TFAP2B: variants seen among roughly 807,000 people sequenced by gnomAD.
TFAP2B encodes transcription factor AP-2 beta, also known as transcription factor AP-2-beta.
TFAP2B carries 9 observed loss-of-function variants against 44.3 expected under a neutral mutation model. That is an observed-to-expected ratio of 0.20 (90% CI 0.12 to 0.35). The LOEUF (loss-of-function observed/expected upper bound fraction) is 0.35, where lower values mean the gene tolerates loss of function less well. TFAP2B is among the 10% of genes least tolerant of loss of function. The pLI, the probability that TFAP2B is intolerant of heterozygous loss-of-function variation, is 1.00. For synonymous variants in TFAP2B, 270 were observed against 263.8 expected, an observed-to-expected ratio of 1.02 and a Z score of -0.23; for missense variants, 509 against 600.0, an observed-to-expected ratio of 0.85 and a Z score of 1.59.
intron 2 of TFAP2B, among the ~76,000 whole-genome samples, chr6:50,824,547 C>T (rs1770450627): frequency 6.6e-6 from 1 of 152,138 alleles, no homozygotes. Flanking sequence ...TGGTAGATAC[C>T]ATTTTGGAAA....
chr6:50,843,670 G>A lies in TFAP2B; in HGVS notation c.*278G>A. 1 of 356,464 alleles carries A rather than the reference G, an allele frequency of 2.8e-6. No homozygotes were observed. Among genetic ancestry groups the A allele is most frequent in the Non-Finnish European group, 5.0e-6 (1 of 199,410 alleles). The allele number at this position is 356,464 out of a possible 1,614,324, so 22.1% of individuals were successfully genotyped here. A position where few individuals can be genotyped will look rare whatever the true frequency, so the allele number is the denominator to read the frequency against. On this transcript the variant is annotated 3_prime_UTR_variant, in exon 7 of 7. Transcript: ENST00000393655. Reference sequence around the variant, plus strand: ...CGGTTCTTTCGAGTTTAGTAATACTGATAATAAAAGAAAACCATGATTTCC... The same window carrying A: ...CGGTTCTTTCGAGTTTAGTAATACTAATAATAAAAGAAAACCATGATTTCC...
In TFAP2B at chr6:50,838,197, T is replaced by C. The variant is rs572460535; in HGVS notation, c.940+104T>C. On this transcript the variant is annotated intron_variant, in intron 5 of 6. Coordinates refer to ENST00000393655, the MANE Select transcript of TFAP2B (RefSeq NM_003221.4). The stretch of plus-strand genomic sequence containing the variant: ...GATTAACTGGAAATCGTTGTGATTG[T>C]TGTGCTCTTATGAGCTGGATGTCAA... 35 of 1,017,132 alleles carry C rather than the reference T, an allele frequency of 3.4e-5. No homozygotes were observed. In the South Asian group the frequency reaches 3.7e-4, roughly 11 times the overall value. The allele number at this position is 1,017,132 out of a possible 1,614,324, so 63.0% of individuals were successfully genotyped here. A position where few individuals can be genotyped will look rare whatever the true frequency, so the allele number is the denominator to read the frequency against.
At chr6:50,829,168 T>C (rs191545053) in intron 3 of TFAP2B, among the ~76,000 whole-genome samples, 12 of 152,324 alleles carry the variant, frequency 7.9e-5, no homozygotes, top group Admixed American at 2.0e-4. Context: ...TATTTTTTCA[T>C]TGTGCCAAAT....
chr6:50,828,795 A>T, intron 3 of TFAP2B, 116 bp downstream of exon 3: 1 of 1,240,064 alleles, frequency 8.1e-7, no homozygotes, highest in South Asian at 1.2e-5. Context: ...GTTTGTTCAC[A>T]ATTATAGGAC....
upstream of TFAP2B, chr6:50,818,622 T>C: frequency 2.2e-6 from 1 of 454,866 alleles, no homozygotes; most frequent in Non-Finnish European, 4.0e-6. Context: ...CAGAGGTGCT[T>C]ATATAACTAT....
At chr6:50,831,281 C>T (rs1770662171) in intron 3 of TFAP2B, among the ~76,000 whole-genome samples, 1 of 152,106 alleles carries the variant, frequency 6.6e-6, no homozygotes, top group African/African-American at 2.4e-5. Flanking sequence ...GTGAAGGTAG[C>T]CAGCGTGATA....
intron 4 of TFAP2B, among the ~76,000 whole-genome samples, chr6:50,837,404 A>G (rs1332355444): frequency 6.6e-6 from 1 of 152,226 alleles, no homozygotes; most frequent in Non-Finnish European, 1.5e-5. Context: ...AATAATCAAT[A>G]TAAAGTGCTT....
intron 1 of TFAP2B, among the ~76,000 whole-genome samples, chr6:50,819,284 T>G (rs549889291): frequency 7.6e-6 from 1 of 131,840 alleles, no homozygotes; most frequent in East Asian, 2.7e-4. Context: ...TGCTACTGAA[T>G]GTGGGCACGC....
At chr6:50,828,450 A>G (rs1478508233) in intron 2 of TFAP2B, among the ~76,000 whole-genome samples, 169 bp from the exon 3 acceptor site, 6 of 152,216 alleles carry the variant, frequency 3.9e-5, no homozygotes, top group African/African-American at 1.2e-4. Flanking sequence ...TTATAATTTG[A>G]GTAAATTTCA....
rs1477261447 is a variant in TFAP2B, at chr6:50,843,239, T to C, written c.1230T>C (p.Ile410=). The change falls in exon 7 of 7, where the codon ATT becomes ATC. Residue 410 remains isoleucine (I), a synonymous_variant. Transcript: ENST00000393655. ...LITHGFGAPA[I]CAALTALQNY... is the part of the protein sequence containing the mutation. ...CGCACGGCTTCGGCGCCCCGGCCAT[T>C]TGCGCCGCGCTCACGGCCCTGCAGA... 1 of 1,614,042 alleles carries C rather than the reference T, an allele frequency of 6.2e-7. No homozygotes were observed. Among genetic ancestry groups the C allele is most frequent in the Non-Finnish European group, 8.5e-7 (1 of 1,180,056 alleles).
At chr6:50,840,425 C>G (rs1180459147) in intron 6 of TFAP2B, 128 bp downstream of exon 6, 1 of 1,224,314 alleles carries the variant, frequency 8.2e-7, no homozygotes, top group Non-Finnish European at 1.2e-6. Context: ...TTTGCAGCCT[C>G]TGGCAAGCAA....
At chr6:50,841,817 GATGT>G (rs1762739143) in intron 6 of TFAP2B, among the ~76,000 whole-genome samples, 1 of 152,184 alleles carries the variant, frequency 6.6e-6, no homozygotes, top group South Asian at 2.1e-4. Context: ...TGGTTGTGAG[GATGT>G]ATGTGTGTAC....
In TFAP2B at chr6:50,818,879, G is replaced by T. The variant is rs1219723649; in HGVS notation, c.-13G>T. On this transcript the variant is annotated 5_prime_UTR_variant, in exon 1 of 7. Transcript: ENST00000393655. Reference sequence around the variant, plus strand: ...CGGAGTCCTGAGAAGCCAGACATCTGCTCCTCACATGAATGCACTCACCTC... The same window carrying T: ...CGGAGTCCTGAGAAGCCAGACATCTTCTCCTCACATGAATGCACTCACCTC... The T allele has an allele frequency of 1.2e-6, 2 of 1,613,654 alleles. No homozygotes were observed. The highest frequency in any genetic ancestry group is 1.1e-5 in the South Asian group (1 of 91,076).
At chr6:50,835,399 T>C (rs1762600198) in intron 3 of TFAP2B, among the ~76,000 whole-genome samples, 1 of 152,170 alleles carries the variant, frequency 6.6e-6, no homozygotes, top group African/African-American at 2.4e-5. Context: ...AATGAATCTG[T>C]TGTTATTATG....
intron 1 of TFAP2B, among the ~76,000 whole-genome samples, chr6:50,820,692 G>A (rs1770318063): frequency 6.6e-6 from 1 of 152,256 alleles, no homozygotes; most frequent in Admixed American, 6.5e-5. Flanking sequence ...CTGTCCTAAA[G>A]AATATTAGCG....
At position 50,843,072 on chromosome 6, in the gene TFAP2B, C is replaced by G. The variant is rs1416382901; in HGVS notation, c.1083-20C>G. ...ACGACACTGAGGGTGATTTTCTGTGCCTCGCCCACCCCTTTGCAGGCAACT... is the reference window on the plus strand; with the variant it reads ...ACGACACTGAGGGTGATTTTCTGTGGCTCGCCCACCCCTTTGCAGGCAACT... On this transcript the variant is annotated intron_variant, in intron 6 of 6. Coordinates refer to ENST00000393655, the MANE Select transcript of TFAP2B (RefSeq NM_003221.4). 1 of 1,614,178 alleles carries G rather than the reference C, an allele frequency of 6.2e-7. No homozygotes were observed. The highest frequency in any genetic ancestry group is 8.5e-7 in the Non-Finnish European group (1 of 1,180,016).
chr6:50,841,565 C>T (rs4715207), intron 6 of TFAP2B, among the ~76,000 whole-genome samples: 26,559 of 152,120 alleles, frequency 0.17, 2,597 homozygotes, highest in Admixed American at 0.28. Context: ...CATCTAACTA[C>T]CCACTGTCCA....
intron 4 of TFAP2B, 106 bp downstream of exon 4, chr6:50,836,386 G>T (rs2817395): frequency 6.1e-6 from 6 of 981,044 alleles, no homozygotes; most frequent in Non-Finnish European, 7.8e-6. Flanking sequence ...AACCCAATCT[G>T]CAGTCTGACG....
At chr6:50,833,339 T>C (rs533167839) in intron 3 of TFAP2B, among the ~76,000 whole-genome samples, 7 of 152,294 alleles carry the variant, frequency 4.6e-5, no homozygotes, top group Admixed American at 2.6e-4. Flanking sequence ...GATGGAGTTA[T>C]GGATCTAAAG....
Sources: gnomAD v4.1 joint callset for allele counts (sites outside exome capture counted in the v4.1 genomes callset) on GRCh38, gnomAD v4.1.1 for gene constraint, MANE v1.5 for transcripts, NCBI Gene and HGNC (gene_info 2026-07-23, HGNC 2026-07-21) for gene names.